MORC1: variants seen among roughly 807,000 people sequenced by gnomAD.
MORC1 encodes the protein MORC family CW-type zinc finger protein 1.
A neutral mutation model predicts 134.9 loss-of-function variants in MORC1; 59 were observed. The ratio of observed to expected loss-of-function variants is 0.44; its 90% CI spans 0.35 to 0.54. The LOEUF is 0.54. Ranked by LOEUF, MORC1 falls within the 20% of genes least tolerant of loss-of-function variation. The pLI, the probability that MORC1 is intolerant of heterozygous loss-of-function variation, is 0.00. For missense variants in MORC1, 947 were observed against 1,134.5 expected, an observed-to-expected ratio of 0.83 and a Z score of 2.37; for synonymous variants, 395 against 391.7, an observed-to-expected ratio of 1.01 and a Z score of -0.10.
chr3:109,012,927 C>G (rs1301630307), intron 17 of MORC1, among the ~76,000 whole-genome samples: 1 of 152,164 alleles, frequency 6.6e-6, no homozygotes, highest in Non-Finnish European at 1.5e-5. Context: ...TCTAGAACCT[C>G]TTGTACAATG....
At chr3:108,974,141 C>T (rs570363293) in intron 24 of MORC1, among the ~76,000 whole-genome samples, 1 of 152,186 alleles carries the variant, frequency 6.6e-6, no homozygotes, top group East Asian at 1.9e-4. Flanking sequence ...TCTTCCACAT[C>T]AGATTGCTCC....
intron 22 of MORC1, among the ~76,000 whole-genome samples, chr3:108,985,064 G>A (rs1947860739): frequency 6.6e-6 from 1 of 152,168 alleles, no homozygotes; most frequent in African/African-American, 2.4e-5. Flanking sequence ...CCTGGAGTAT[G>A]ATCAGAACTG....
At chr3:109,001,372 T>C (rs1165001302) in intron 20 of MORC1, among the ~76,000 whole-genome samples, 2 of 152,226 alleles carry the variant, frequency 1.3e-5, no homozygotes, top group African/African-American at 2.4e-5. Flanking sequence ...AGTAAATTCA[T>C]TACTTTTAAT....
chr3:109,093,139 C>G (rs540288947), intron 8 of MORC1, among the ~76,000 whole-genome samples: 17 of 152,242 alleles, frequency 1.1e-4, no homozygotes, highest in African/African-American at 3.9e-4. Flanking sequence ...GCTGGCACCT[C>G]TGAATCATCT....
chr3:109,001,852 C>A (rs1369403143), intron 20 of MORC1, among the ~76,000 whole-genome samples: 3 of 152,192 alleles, frequency 2.0e-5, no homozygotes, highest in Admixed American at 6.5e-5. Context: ...CTTGGCACAT[C>A]CTCTTGGAAG....
intron 17 of MORC1, among the ~76,000 whole-genome samples, chr3:109,009,737 T>C (rs963673814): frequency 9.9e-5 from 15 of 152,128 alleles, no homozygotes; most frequent in African/African-American, 3.4e-4. Context: ...TTTTTTACAG[T>C]GGAGTAATTT....
intron 24 of MORC1, among the ~76,000 whole-genome samples, chr3:108,972,637 G>C (rs1056117945): frequency 5.9e-5 from 9 of 152,134 alleles, no homozygotes; most frequent in African/African-American, 1.9e-4. Flanking sequence ...GAAATCATAT[G>C]AAAAGAAAAG....
At position 108,997,861 on chromosome 3, in the gene MORC1, G is replaced by GAA. The variant is rs34822390; in HGVS notation, c.2187+2694_2187+2695dup. 3.2e-3 allele frequency among the ~76,000 whole-genome samples: 483 copies of GAA among 150,016 alleles called. 2 individuals carry two copies. The Middle Eastern group carries it at 0.058, about 18-fold the overall frequency. On this transcript the variant is annotated intron_variant, in intron 21 of 27. Coordinates refer to ENST00000232603, the MANE Select transcript of MORC1 (RefSeq NM_014429.4). The stretch of plus-strand genomic sequence containing the variant: ...GAGAAAAATAAAGTGCCTTAATATG[G>GAA]AAAAAAAAATCCTTTCAAAAGGCAG...
intron 3 of MORC1, among the ~76,000 whole-genome samples, chr3:109,105,614 G>C (rs977696321): frequency 1.3e-5 from 2 of 150,650 alleles, no homozygotes; most frequent in African/African-American, 2.4e-5. Context: ...AGGACTTCAA[G>C]TTTGCAGTAA....
chr3:108,960,817 A>C (rs1947060617), intron 27 of MORC1, among the ~76,000 whole-genome samples: 1 of 152,018 alleles, frequency 6.6e-6, no homozygotes, highest in Non-Finnish European at 1.5e-5. Context: ...AAAATCTTTA[A>C]AAAAAAATCT....
chr3:109,059,786 C>T lies in MORC1; in HGVS notation c.1031+20G>A. 1 of 1,605,750 alleles carries T rather than the reference C, an allele frequency of 6.2e-7. No individual in the cohort carries two copies. The highest frequency in any genetic ancestry group is 8.5e-7 in the Non-Finnish European group (1 of 1,174,994). On this transcript the variant is annotated intron_variant, in intron 12 of 27. Coordinates refer to ENST00000232603, the MANE Select transcript of MORC1 (RefSeq NM_014429.4). ...ACAGAGTACAGAGGATTCCTGCAAA[C>T]AGAAAACCTTGTGTCTTACCTTTGT...
intron 17 of MORC1, among the ~76,000 whole-genome samples, chr3:109,016,900 A>C (rs1253418928): frequency 1.3e-5 from 2 of 152,178 alleles, no homozygotes; most frequent in African/African-American, 4.8e-5. Flanking sequence ...AAAAAGGAAA[A>C]GGTCCCATCA....
Position 108,994,522 on chromosome 3 carries a change from G to T in MORC1, c.2187+6035C>A, listed in dbSNP as rs550527923. On this transcript the variant is annotated intron_variant, in intron 21 of 27. Transcript: ENST00000232603. ...GGGTTTGCCTCTAACATTCAGAATA[G>T]TAACTGAAAGATTATTATTATAAAA... is the stretch of plus-strand genomic sequence containing the variant. 2.6e-5 allele frequency among the ~76,000 whole-genome samples: 4 copies of T among 152,248 alleles called. No individual in the cohort carries two copies. In the South Asian group the frequency reaches 8.3e-4, roughly 32 times the overall value.
chr3:109,074,819 G>T (rs576384910), intron 8 of MORC1, among the ~76,000 whole-genome samples: 7 of 152,250 alleles, frequency 4.6e-5, no homozygotes, highest in South Asian at 4.1e-4. Context: ...GGAATTGTGG[G>T]GATTACTAAA....
Position 109,063,202 on chromosome 3 carries a change from T to C in MORC1, c.845A>G (p.Lys282Arg). Reference protein sequence around the residue: ...RKYLYVTSSFKGAFKDEVKKA... With the variant: ...RKYLYVTSSFRGAFKDEVKKA... Reference sequence around the variant, plus strand: ...TTTAACTTCATCTTTAAATGCTCCTTTAAAAGAAGATGTGACATAAAGATA... The same window carrying C: ...TTTAACTTCATCTTTAAATGCTCCTCTAAAAGAAGATGTGACATAAAGATA... Residue 282 changes from lysine to arginine, a missense_variant, in exon 10 of 28, where the codon AAA (lysine) becomes AGA (arginine). By Grantham distance (26) the Lys-to-Arg change is conservative. Coordinates refer to ENST00000232603, the MANE Select transcript of MORC1 (RefSeq NM_014429.4). 2 of 1,598,044 alleles carry C rather than the reference T, an allele frequency of 1.3e-6. No individual in the cohort carries two copies. The highest frequency in any genetic ancestry group is 1.7e-6 in the Non-Finnish European group (2 of 1,167,218).
Position 109,000,648 on chromosome 3 carries a change from CAAG to C in MORC1, c.2093_2095del (p.Ser698del). 1 of 1,608,806 alleles carries C rather than the reference CAAG, an allele frequency of 6.2e-7. No homozygotes were observed. The highest frequency in any genetic ancestry group is 8.5e-7 in the Non-Finnish European group (1 of 1,177,974). ...CAGACTCTGCTTCCTTTTCATTTCC[CAAG>C]AAGCGGCCTATAACAAGGAATTAAC... On this transcript the variant is annotated inframe_deletion, in exon 21 of 28. Coordinates refer to ENST00000232603, the MANE Select transcript of MORC1 (RefSeq NM_014429.4).
At chr3:109,054,633 T>C (rs1201590686) in intron 14 of MORC1, 95 bp downstream of exon 14, 1 of 1,152,866 alleles carries the variant, frequency 8.7e-7, no homozygotes, top group Non-Finnish European at 1.2e-6. Context: ...TTTCAGTTGC[T>C]GGTAATCTGA....
chr3:109,071,970 A>G (rs1417111792), intron 8 of MORC1, among the ~76,000 whole-genome samples: 3 of 152,294 alleles, frequency 2.0e-5, no homozygotes, highest in South Asian at 4.1e-4. Flanking sequence ...TTCTAAGAAT[A>G]GACACCTGCT....
At chr3:109,092,739 G>T (rs1950755782) in intron 8 of MORC1, among the ~76,000 whole-genome samples, 2 of 151,818 alleles carry the variant, frequency 1.3e-5, no homozygotes, top group Admixed American at 1.3e-4. Context: ...CCTCGTTGTG[G>T]CTCTCATTAT....
Sources: gnomAD v4.1 joint callset for allele counts (sites outside exome capture counted in the v4.1 genomes callset) on GRCh38, gnomAD v4.1.1 for gene constraint, MANE v1.5 for transcripts, NCBI Gene and HGNC (gene_info 2026-07-23, HGNC 2026-07-21) for gene names.